SHISA9: variants seen among roughly 807,000 people sequenced by gnomAD.
SHISA9 encodes the protein protein shisa-9.
In SHISA9, 13 loss-of-function variants were observed where a neutral mutation model predicts 38.0. That is an observed-to-expected ratio of 0.34 (90% confidence interval 0.22 to 0.54). The LOEUF (loss-of-function observed/expected upper bound fraction) is 0.54, where lower values mean the gene tolerates loss of function less well. Among genes scored for constraint, SHISA9 ranks in the 20% least tolerant of loss-of-function variants. The probability of loss-of-function intolerance (pLI) is 0.91; values close to 1 mark genes in which losing one functional copy is unlikely to be tolerated. For synonymous variants in SHISA9, 275 were observed against 242.0 expected (o/e 1.14, Z -1.27); for missense variants, 538 against 575.8 (o/e 0.93, Z 0.67).
At chr16:13,295,306 C>G in the SHISA9 span, among the ~76,000 whole-genome samples, 1 of 152,200 alleles carries the variant, frequency 6.6e-6, no homozygotes, top group Non-Finnish European at 1.5e-5. Flanking sequence ...ATTATCTGAC[C>G]GAAAGAGTTG....
At chr16:13,523,457 G>A in the SHISA9 span, among the ~76,000 whole-genome samples, 1 of 152,208 alleles carries the variant, frequency 6.6e-6, no homozygotes, top group South Asian at 2.1e-4. Flanking sequence ...CTGAGACTGG[G>A]TAATTTATAA....
chr16:13,021,783 A>C (rs74012242), intron 2 of SHISA9, among the ~76,000 whole-genome samples: 76 of 152,278 alleles, frequency 5.0e-4, no homozygotes, highest in African/African-American at 1.7e-3. Flanking sequence ...CACTTATGAC[A>C]CTATTATAAT....
the SHISA9 span, among the ~76,000 whole-genome samples, chr16:13,537,105 G>A: frequency 1.3e-5 from 2 of 152,154 alleles, no homozygotes. Context: ...GCACAAAAAT[G>A]TTTAACATAG....
At chr16:13,146,013 C>T (rs1012249763) in intron 2 of SHISA9, among the ~76,000 whole-genome samples, 9 of 152,200 alleles carry the variant, frequency 5.9e-5, no homozygotes, top group African/African-American at 2.2e-4. Flanking sequence ...CATGGCAAAA[C>T]CCTGTCTTTA....
intron 2 of SHISA9, among the ~76,000 whole-genome samples, chr16:13,165,917 C>G (rs1313783014): frequency 1.3e-5 from 2 of 152,166 alleles, no homozygotes; most frequent in Non-Finnish European, 2.9e-5. Flanking sequence ...GCAGTATTGA[C>G]TTCACATGGT....
intron 2 of SHISA9, among the ~76,000 whole-genome samples, chr16:13,196,406 A>AAAAAG (rs1349158104): frequency 6.6e-6 from 1 of 151,106 alleles, no homozygotes; most frequent in Admixed American, 6.6e-5. Context: ...CAAAAAAAAA[A>AAAAAG]AAAAGAAAGA....
intron 2 of SHISA9, among the ~76,000 whole-genome samples, chr16:12,980,712 C>T (rs970234235): frequency 6.6e-6 from 1 of 151,786 alleles, no homozygotes; most frequent in Admixed American, 6.6e-5. Context: ...CTCTTCTATA[C>T]TCCATATAAT....
chr16:13,346,025 A>G, the SHISA9 span, among the ~76,000 whole-genome samples: 5 of 152,214 alleles, frequency 3.3e-5, no homozygotes, highest in Non-Finnish European at 7.3e-5. Flanking sequence ...TTACAGGAAT[A>G]GTGGTAAAGC....
chr16:13,037,148 ACACACACACT>A (rs1649425709), intron 2 of SHISA9, among the ~76,000 whole-genome samples: 1 of 145,732 alleles, frequency 6.9e-6, no homozygotes, highest in African/African-American at 2.5e-5. Context: ...ACACACACAC[ACACACACACT>A]GTTGGTCCCA....
intron 2 of SHISA9, among the ~76,000 whole-genome samples, chr16:12,966,813 A>G (rs2071985251): frequency 6.6e-6 from 1 of 152,216 alleles, no homozygotes; most frequent in African/African-American, 2.4e-5. Flanking sequence ...CATAGTTATC[A>G]AGCCTTTGAA....
chr16:13,368,175 A>T, the SHISA9 span, among the ~76,000 whole-genome samples: 1 of 152,190 alleles, frequency 6.6e-6, no homozygotes, highest in African/African-American at 2.4e-5. Flanking sequence ...TCTAATAGCC[A>T]TATCTGAGGA....
chr16:13,446,886 A>G, the SHISA9 span, among the ~76,000 whole-genome samples: 63 of 152,030 alleles, frequency 4.1e-4, no homozygotes, highest in African/African-American at 1.5e-3. Flanking sequence ...AGGCTGAGGA[A>G]CGAGAATCGC....
At chr16:13,349,908 G>A in the SHISA9 span, among the ~76,000 whole-genome samples, 14 of 152,188 alleles carry the variant, frequency 9.2e-5, no homozygotes, top group Non-Finnish European at 2.1e-4. Flanking sequence ...GAAGTTAGGA[G>A]GCCCATTATT....
the SHISA9 span, among the ~76,000 whole-genome samples, chr16:13,415,021 T>C: frequency 6.6e-6 from 1 of 152,226 alleles, no homozygotes; most frequent in African/African-American, 2.4e-5. Context: ...TATAGCTCAC[T>C]GTTTGCCTTA....
the SHISA9 span, among the ~76,000 whole-genome samples, chr16:13,484,671 GT>G: frequency 1.3e-5 from 2 of 152,202 alleles, no homozygotes; most frequent in Non-Finnish European, 2.9e-5. Flanking sequence ...AGTGTGGCAG[GT>G]TGTACAGGAA....
chr16:13,138,918 T>C (rs2050373438), intron 2 of SHISA9, among the ~76,000 whole-genome samples: 1 of 152,300 alleles, frequency 6.6e-6, no homozygotes, highest in Middle Eastern at 3.4e-3. Flanking sequence ...TGCTTTTTGA[T>C]TCATTGGACA....
chr16:12,936,810 C>T (rs1266313973), intron 2 of SHISA9, among the ~76,000 whole-genome samples: 1 of 152,108 alleles, frequency 6.6e-6, no homozygotes, highest in Non-Finnish European at 1.5e-5. Context: ...TTTGTAAAAC[C>T]CCTACTCGGT....
intron 4 of SHISA9, among the ~76,000 whole-genome samples, chr16:13,226,372 G>A (rs2051279636): frequency 6.6e-6 from 1 of 152,204 alleles, no homozygotes; most frequent in South Asian, 2.1e-4. Flanking sequence ...GCTTCTCTAA[G>A]AGACCACCTG....
chr16:13,016,919 C>T (rs1659833465), intron 2 of SHISA9, among the ~76,000 whole-genome samples: 1 of 152,094 alleles, frequency 6.6e-6, no homozygotes, highest in South Asian at 2.1e-4. Flanking sequence ...TTTCAAAATA[C>T]ATTTTTAGGG....
Sources: gnomAD v4.1 joint callset for allele counts (sites outside exome capture counted in the v4.1 genomes callset) on GRCh38, gnomAD v4.1.1 for gene constraint, MANE v1.5 for transcripts, NCBI Gene and HGNC (gene_info 2026-07-23, HGNC 2026-07-21) for gene names.